The following HTR7 variants were observed in gnomAD, a reference collection of about 807,000 sequenced individuals.
HTR7 encodes 5-HT-7.
A neutral mutation model predicts 34.0 loss-of-function variants in HTR7; 16 were observed. The observed-to-expected ratio is 0.47, with a 90% CI of 0.32 to 0.71. HTR7 has a LOEUF of 0.71. Among genes scored for constraint, HTR7 ranks in the 30% least tolerant of loss-of-function variants. The pLI is 0.04. For missense variants in HTR7, 504 were observed against 625.5 expected, an observed-to-expected ratio of 0.81 and a Z score of 2.07; for synonymous variants, 265 against 260.2, an observed-to-expected ratio of 1.02 and a Z score of -0.18.
At chr10:90,815,535 A>G (rs990539651) in intron 1 of HTR7, among the ~76,000 whole-genome samples, 2 of 152,190 alleles carry the variant, frequency 1.3e-5, no homozygotes, top group Admixed American at 6.5e-5. Context: ...TTAAATGGAC[A>G]TGTGCGGGCA....
Position 90,857,775 on chromosome 10 carries a change from G to A in HTR7, c.-104C>T, listed in dbSNP as rs955647759. 5.1e-6 allele frequency: 6 copies of A among 1,181,440 alleles called. No individual in the cohort carries two copies. The highest frequency in any genetic ancestry group is 6.6e-6 in the Non-Finnish European group (6 of 913,896). The allele number at this position is 1,181,440 out of a possible 1,614,324, so 73.2% of individuals were successfully genotyped here. ...CACCGGTTCCGCTCCGCCCGGCCCA[G>A]CCATGGGGCCCGCGCCGACCGCTGG... is the stretch of plus-strand genomic sequence containing the variant. On this transcript the variant is annotated 5_prime_UTR_variant, in exon 1 of 4. Coordinates refer to ENST00000336152, the MANE Select transcript of HTR7 (RefSeq NM_019859.4). The surrounding 1 kb of genome is among the most constrained non-coding windows in gnomAD (Gnocchi z 6.5).
chr10:90,759,344 A>G (rs573044806), intron 1 of HTR7, among the ~76,000 whole-genome samples: 1 of 152,226 alleles, frequency 6.6e-6, no homozygotes, highest in East Asian at 1.9e-4. Flanking sequence ...CTAAAAATGA[A>G]TCAAAATGAA....
intron 1 of HTR7, among the ~76,000 whole-genome samples, chr10:90,800,046 C>G (rs1410964901): frequency 6.6e-6 from 1 of 152,126 alleles, no homozygotes; most frequent in Non-Finnish European, 1.5e-5. Context: ...AGAAATTACA[C>G]AATTGGCTAA....
intron 1 of HTR7, among the ~76,000 whole-genome samples, chr10:90,852,202 T>TAAAAAAAAAAAAAAA (rs60371298): frequency 1.5e-5 from 2 of 135,262 alleles, no homozygotes; most frequent in Admixed American, 7.4e-5. Flanking sequence ...TTATGTGAAG[T>TAAAAAAAAAAAAAAA]AAAAAAAAAA....
intron 1 of HTR7, among the ~76,000 whole-genome samples, chr10:90,805,183 G>A (rs1319325959): frequency 6.6e-6 from 1 of 152,134 alleles, no homozygotes; most frequent in Admixed American, 6.5e-5. Flanking sequence ...GTTATTTACA[G>A]GAAATGGTCA....
At chr10:90,795,378 T>C (rs558458835) in intron 1 of HTR7, among the ~76,000 whole-genome samples, 1 of 152,166 alleles carries the variant, frequency 6.6e-6, no homozygotes, top group African/African-American at 2.4e-5. Context: ...CGGAAAAAAA[T>C]TAGCACCTCC....
chr10:90,749,183 G>A lies in HTR7; in HGVS notation c.951C>T (p.Ser317=). The change falls in exon 2 of 4, where the codon TCC becomes TCT. Residue 317 remains serine, a synonymous_variant. Coordinates refer to ENST00000336152, the MANE Select transcript of HTR7 (RefSeq NM_019859.4). This position sits in a 1 kb window ranked among gnomAD's most constrained non-coding sequence, Gnocchi z 4.2. ...CTGCTTTCTGTTCTCGCTTAAAGAT[G>A]GAGATGTTTTTCCTTTCATGCTTGA... ...RLLKHERKNI[S]IFKREQKAAT... The A allele has an allele frequency of 6.2e-7, 1 of 1,614,100 alleles. No individual in the cohort carries two copies. Among genetic ancestry groups the A allele is most frequent in the Non-Finnish European group, 8.5e-7 (1 of 1,180,012 alleles).
chr10:90,840,983 T>A (rs1237990322), intron 1 of HTR7, among the ~76,000 whole-genome samples: 1 of 152,226 alleles, frequency 6.6e-6, no homozygotes, highest in Non-Finnish European at 1.5e-5. Context: ...TCCCTGACAC[T>A]GGTCAAAGCT....
chr10:90,788,544 T>G (rs1293188957), intron 1 of HTR7, among the ~76,000 whole-genome samples: 1 of 152,212 alleles, frequency 6.6e-6, no homozygotes, highest in Non-Finnish European at 1.5e-5. Context: ...AAATGGTTAT[T>G]CCTAATCCCT....
intron 1 of HTR7, among the ~76,000 whole-genome samples, chr10:90,769,513 T>C (rs7072526): frequency 0.23 from 35,191 of 152,154 alleles, 4,319 homozygotes; most frequent in African/African-American, 0.31. Context: ...AAATTGCTTA[T>C]CTGATCGAGG....
At chr10:90,807,158 C>T in intron 1 of HTR7, among the ~76,000 whole-genome samples, 1 of 152,168 alleles carries the variant, frequency 6.6e-6, no homozygotes, top group East Asian at 1.9e-4. Context: ...TGATGCAGGA[C>T]ACACAGCTCA....
chr10:90,814,179 C>A (rs1845861878), intron 1 of HTR7, among the ~76,000 whole-genome samples: 1 of 152,172 alleles, frequency 6.6e-6, no homozygotes, highest in Admixed American at 6.5e-5. Context: ...TGGATAAAAG[C>A]CCTAAGAAGG....
intron 1 of HTR7, among the ~76,000 whole-genome samples, chr10:90,849,002 C>T (rs1356710788): frequency 6.6e-6 from 1 of 152,200 alleles, no homozygotes; most frequent in Non-Finnish European, 1.5e-5. Context: ...GATGCACATT[C>T]AAGTTTGATA....
At chr10:90,812,497 A>G (rs1009724386) in intron 1 of HTR7, among the ~76,000 whole-genome samples, 1 of 152,170 alleles carries the variant, frequency 6.6e-6, no homozygotes, top group Non-Finnish European at 1.5e-5. Context: ...TAGACCTTTT[A>G]TACCTGTTTT....
chr10:90,857,799 G>T lies in HTR7; in HGVS notation c.-128C>A, dbSNP rs1426309032. ...AGCCATGGGGCCCGCGCCGACCGCT[G>T]GGGGGCGCCTGGCTCTGTCTCGGAG... is the stretch of plus-strand genomic sequence containing the variant. On this transcript the variant is annotated 5_prime_UTR_variant, in exon 1 of 4. Coordinates refer to ENST00000336152, the MANE Select transcript of HTR7 (RefSeq NM_019859.4). The surrounding 1 kb of genome is among the most constrained non-coding windows in gnomAD (Gnocchi z 6.5). 4.4e-6 allele frequency: 4 copies of T among 904,926 alleles called. No homozygotes were observed. The highest frequency in any genetic ancestry group is 5.9e-6 in the Non-Finnish European group (4 of 680,356). The allele number at this position is 904,926 out of a possible 1,614,324, so 56.1% of individuals were successfully genotyped here.
chr10:90,755,026 C>A (rs1354875269), intron 1 of HTR7, among the ~76,000 whole-genome samples: 4 of 152,298 alleles, frequency 2.6e-5, no homozygotes, highest in African/African-American at 9.6e-5. Context: ...TCCCAAGCCA[C>A]TATTCTCATT....
rs1846628112 is a variant in HTR7, at chr10:90,858,027, A to T, written c.-356T>A. On this transcript the variant is annotated 5_prime_UTR_variant, in exon 1 of 4. Coordinates refer to ENST00000336152, the MANE Select transcript of HTR7 (RefSeq NM_019859.4). ...AGAGCGCCCGGGCGGCAGCGGCAGA[A>T]GTTGCGGAGTGCGCCCCGCCCCTCG... Among the ~76,000 whole-genome samples, 1 of 148,152 alleles carries T rather than the reference A, an allele frequency of 6.7e-6. No homozygotes were observed. The highest frequency in any genetic ancestry group is 1.5e-5 in the Non-Finnish European group (1 of 66,712).
chr10:90,798,158 T>TA (rs1019632446), intron 1 of HTR7, among the ~76,000 whole-genome samples: 4 of 152,110 alleles, frequency 2.6e-5, no homozygotes, highest in Admixed American at 1.3e-4. Context: ...TAAAGAAGGC[T>TA]AAAAAAATGG....
At chr10:90,819,782 C>G (rs137889759) in intron 1 of HTR7, among the ~76,000 whole-genome samples, 1,615 of 151,786 alleles carry the variant, frequency 0.011, 31 homozygotes, top group African/African-American at 0.037. Flanking sequence ...TTCCCACTAG[C>G]TTTGAGGAAG....
Sources: gnomAD v4.1 joint callset for allele counts (sites outside exome capture counted in the v4.1 genomes callset) on GRCh38, gnomAD v4.1.1 for gene constraint, Gnocchi (gnomAD v3.1) non-coding constraint, MANE v1.5 for transcripts, NCBI Gene and HGNC (gene_info 2026-07-23, HGNC 2026-07-21) for gene names.